Variants in LMX1B observed in about 807,000 individuals in gnomAD.
LMX1B encodes LIM homeobox transcription factor 1 beta, also known as LIM homeobox transcription factor 1-beta.
In LMX1B, 12 loss-of-function variants were observed where a neutral mutation model predicts 51.4. That is an observed-to-expected ratio of 0.23 (90% CI 0.15 to 0.38). LMX1B has a LOEUF of 0.38. Ranked by LOEUF, LMX1B falls within the 10% of genes least tolerant of loss-of-function variation. LMX1B has a pLI of 1.00. For missense variants in LMX1B, 445 were observed against 571.1 expected (o/e 0.78, Z 2.25); for synonymous variants, 237 against 235.4 (o/e 1.01, Z -0.06).
chr9:126,627,034 C>T (rs1184448363), intron 2 of LMX1B, among the ~76,000 whole-genome samples: 2 of 152,212 alleles, frequency 1.3e-5, no homozygotes, highest in Non-Finnish European at 1.5e-5. Flanking sequence ...CAACAGCCCA[C>T]GCCCAGTCGG....
Position 126,614,428 on chromosome 9 carries a change from T to A in LMX1B, c.-22T>A. ...CGGGCGAGCAGCCCGGCCGGCGGGG[T>A]CCGCAGCGCGCCCCGCGTCCCATGG... On this transcript the variant is annotated 5_prime_UTR_variant, in exon 1 of 8. Transcript: ENST00000373474. The A allele has an allele frequency of 2.1e-6, 3 of 1,460,700 alleles. No individual in the cohort carries two copies. Among genetic ancestry groups the A allele is most frequent in the Non-Finnish European group, 1.8e-6 (2 of 1,103,880 alleles). The allele number at this position is 1,460,700 out of a possible 1,614,324, so 90.5% of individuals were successfully genotyped here. A position where few individuals can be genotyped will look rare whatever the true frequency, so the allele number is the denominator to read the frequency against.
At chr9:126,629,903 T>G (rs1356640486) in intron 2 of LMX1B, among the ~76,000 whole-genome samples, 1 of 151,706 alleles carries the variant, frequency 6.6e-6, no homozygotes, top group African/African-American at 2.4e-5. Context: ...CCCAGCACTT[T>G]GGGAGACCAA....
At chr9:126,675,501 C>T (rs961888014) in intron 2 of LMX1B, among the ~76,000 whole-genome samples, 13 of 151,354 alleles carry the variant, frequency 8.6e-5, no homozygotes, top group Admixed American at 2.0e-4. Context: ...CCGAGGCGGG[C>T]GGATCACAAG....
intron 2 of LMX1B, among the ~76,000 whole-genome samples, chr9:126,627,259 T>C (rs964038112): frequency 6.6e-6 from 1 of 151,916 alleles, no homozygotes; most frequent in African/African-American, 2.4e-5. Context: ...CACGATATAG[T>C]GCCCCTCCCC....
chr9:126,667,632 T>C (rs1248029390), intron 2 of LMX1B, among the ~76,000 whole-genome samples: 1 of 152,156 alleles, frequency 6.6e-6, no homozygotes, highest in Admixed American at 6.5e-5. Flanking sequence ...GTTTGAGAGC[T>C]TTTGACATTA....
intron 2 of LMX1B, among the ~76,000 whole-genome samples, chr9:126,637,697 C>T (rs907700033): frequency 6.6e-6 from 1 of 152,018 alleles, no homozygotes; most frequent in Non-Finnish European, 1.5e-5. Flanking sequence ...TGGCCTGTGA[C>T]GTCCATGACC....
intron 2 of LMX1B, among the ~76,000 whole-genome samples, chr9:126,647,564 G>A (rs1835926523): frequency 6.6e-6 from 1 of 152,152 alleles, no homozygotes; most frequent in East Asian, 1.9e-4. Context: ...TTGACCCCTT[G>A]ACTTTCACTC....
In LMX1B at chr9:126,700,664, G is replaced by T. The variant is rs2030511825; in HGVS notation, c.*4213G>T. ...AGGCACATGTGGCCTGGGGACTGGG[G>T]GAGCAGGAAAGACCCCTCCAACATT... is the stretch of plus-strand genomic sequence containing the variant. On this transcript the variant is annotated 3_prime_UTR_variant, in exon 8 of 8. Transcript: ENST00000373474. The T allele has an allele frequency of 6.6e-6, 1 of 152,260 alleles. No individual in the cohort carries two copies. The highest frequency in any genetic ancestry group is 2.4e-5 in the African/African-American group (1 of 41,458). The allele number at this position is 152,260 out of a possible 1,614,324, so 9.4% of individuals were successfully genotyped here. A position where few individuals can be genotyped will look rare whatever the true frequency, so the allele number is the denominator to read the frequency against.
At chr9:126,630,647 A>C (rs954021032) in intron 2 of LMX1B, among the ~76,000 whole-genome samples, 5 of 152,208 alleles carry the variant, frequency 3.3e-5, no homozygotes, top group Admixed American at 1.3e-4. Context: ...CTGAATCATC[A>C]TCTTCGTCCT....
At chr9:126,621,648 C>G (rs1260233279) in intron 2 of LMX1B, among the ~76,000 whole-genome samples, 1 of 75,666 alleles carries the variant, frequency 1.3e-5, no homozygotes, top group Non-Finnish European at 3.1e-5. Flanking sequence ...TTCTCTCTCT[C>G]TCTCTTCTTT....
At chr9:126,651,198 TC>T in intron 2 of LMX1B, among the ~76,000 whole-genome samples, 1 of 151,938 alleles carries the variant, frequency 6.6e-6, no homozygotes, top group Middle Eastern at 3.4e-3. Flanking sequence ...GGCTGACTGA[TC>T]CTCCTCCATC....
At chr9:126,634,834 T>C (rs547378919) in intron 2 of LMX1B, among the ~76,000 whole-genome samples, 2 of 151,860 alleles carry the variant, frequency 1.3e-5, no homozygotes, top group East Asian at 1.9e-4. Context: ...ACATTTGGAG[T>C]CACGAAAGGG....
intron 4 of LMX1B, 64 bp downstream of exon 4, chr9:126,693,387 C>G: frequency 6.4e-7 from 1 of 1,554,632 alleles, no homozygotes; most frequent in Non-Finnish European, 8.8e-7. Flanking sequence ...TTTCTGGAGA[C>G]CACCCCCTGC....
intron 2 of LMX1B, among the ~76,000 whole-genome samples, chr9:126,661,199 A>C (rs7869040): frequency 9.5e-6 from 1 of 105,462 alleles, no homozygotes. Context: ...TAATGTGGAC[A>C]CCCCACGCAG....
intron 2 of LMX1B, among the ~76,000 whole-genome samples, chr9:126,623,569 G>C (rs1450953434): frequency 6.6e-6 from 1 of 152,200 alleles, no homozygotes; most frequent in East Asian, 1.9e-4. Context: ...GAGTTACCCT[G>C]TAGCAGATTT....
chr9:126,665,277 C>T (rs1465262523), intron 2 of LMX1B, among the ~76,000 whole-genome samples: 1 of 152,216 alleles, frequency 6.6e-6, no homozygotes, highest in Non-Finnish European at 1.5e-5. Context: ...CAGCCTGGCA[C>T]GGCCATTGTT....
At chr9:126,694,582 T>C (rs2030259656) in intron 6 of LMX1B, among the ~76,000 whole-genome samples, 1 of 152,174 alleles carries the variant, frequency 6.6e-6, no homozygotes, top group African/African-American at 2.4e-5. Flanking sequence ...GGGAGCTCCC[T>C]GGGACTGCTG....
At chr9:126,639,993 G>T (rs956907112) in intron 2 of LMX1B, among the ~76,000 whole-genome samples, 2 of 152,240 alleles carry the variant, frequency 1.3e-5, no homozygotes, top group African/African-American at 4.8e-5. Context: ...GCGCTCAAAT[G>T]CTATGGGAAA....
chr9:126,644,574 G>A (rs1835865355), intron 2 of LMX1B, among the ~76,000 whole-genome samples: 1 of 152,156 alleles, frequency 6.6e-6, no homozygotes, highest in Non-Finnish European at 1.5e-5. Context: ...AAAGCCCCAT[G>A]GCCCCCTGCA....
Sources: gnomAD v4.1 joint callset for allele counts (sites outside exome capture counted in the v4.1 genomes callset) on GRCh38, gnomAD v4.1.1 for gene constraint, MANE v1.5 for transcripts, NCBI Gene and HGNC (gene_info 2026-07-23, HGNC 2026-07-21) for gene names.